The following GMPS variants were observed in gnomAD, a reference collection of about 807,000 sequenced individuals.
The protein encoded by GMPS is guanosine monophosphate synthase, also known as GMP synthase [glutamine-hydrolyzing].
Under a neutral mutation model 77.9 loss-of-function variants are expected in GMPS, and 15 were observed. The ratio of observed to expected loss-of-function variants is 0.19; its 90% CI spans 0.13 to 0.30. The LOEUF (loss-of-function observed/expected upper bound fraction) is 0.30. Among genes scored for constraint, GMPS ranks in the 10% least tolerant of loss-of-function variants. The pLI is 1.00. For synonymous variants in GMPS, 224 were observed against 275.9 expected, an observed-to-expected ratio of 0.81 and a Z score of 1.86; for missense variants, 590 against 838.8, an observed-to-expected ratio of 0.70 and a Z score of 3.66.
At position 155,870,820 on chromosome 3, in the gene GMPS, G is replaced by T. The variant is rs1167494545; in HGVS notation, c.-51G>T. 1.1e-5 allele frequency: 14 copies of T among 1,283,480 alleles called. No homozygotes were observed. The East Asian group carries it at 2.0e-4, about 19-fold the overall frequency. 79.5% of individuals were successfully genotyped at this position (1,283,480 alleles called of 1,614,324 possible). A position where few individuals can be genotyped will look rare whatever the true frequency, so the allele number is the denominator to read the frequency against. On this transcript the variant is annotated 5_prime_UTR_variant, in exon 1 of 16. Coordinates refer to ENST00000496455, the MANE Select transcript of GMPS (RefSeq NM_003875.3). The stretch of plus-strand genomic sequence containing the variant: ...GCGCCGACCCTTCCGGCACCCTCCC[G>T]CCCCGTCTCGTACTGTCGCCGTCAC...
chr3:155,894,527 G>T (rs1754554875), intron 2 of GMPS, among the ~76,000 whole-genome samples: 1 of 151,982 alleles, frequency 6.6e-6, no homozygotes. Context: ...CCCGGCCAGT[G>T]TCATGCTTTT....
Position 155,936,362 on chromosome 3 carries a change from T to C in GMPS, c.1832T>C (p.Met611Thr). 1 of 1,610,396 alleles carries C rather than the reference T, an allele frequency of 6.2e-7. No homozygotes were observed. Among genetic ancestry groups the C allele is most frequent in the Non-Finnish European group, 8.5e-7 (1 of 1,178,122 alleles). ...GGGTATGCTGGGAAAATCAGCCAGA[T>C]GCCGGTGATTTTGACACCATTACAT... ...ESGYAGKISQ[M>T]PVILTPLHFD... Residue 611 changes from methionine (M) to threonine (T), a missense_variant, in exon 15 of 16, where the codon ATG becomes ACG. Met to Thr is a moderately conservative substitution (Grantham distance 81). Transcript: ENST00000496455.
At chr3:155,910,977 TAC>T (rs1490587387) in intron 6 of GMPS, 92 bp downstream of exon 6, 1 of 1,096,874 alleles carries the variant, frequency 9.1e-7, no homozygotes, top group African/African-American at 1.6e-5. Context: ...TTAAATGTTC[TAC>T]AGTTTTAGAG....
At chr3:155,888,520 C>T (rs1459274496) in intron 1 of GMPS, among the ~76,000 whole-genome samples, 1 of 151,860 alleles carries the variant, frequency 6.6e-6, no homozygotes, top group Non-Finnish European at 1.5e-5. Flanking sequence ...GCCTCAACCT[C>T]CTGGGCTCCT....
chr3:155,883,111 G>A (rs9832621), intron 1 of GMPS, among the ~76,000 whole-genome samples: 2,804 of 151,920 alleles, frequency 0.018, 88 homozygotes, highest in African/African-American at 0.064. Context: ...TCACTCTGTC[G>A]CCCAGGCTGG....
At chr3:155,928,202 A>G (rs1046146792) in intron 12 of GMPS, among the ~76,000 whole-genome samples, 1 of 151,126 alleles carries the variant, frequency 6.6e-6, no homozygotes, top group African/African-American at 2.4e-5. Context: ...AATTTTTTGT[A>G]TTTTAGTAGA....
chr3:155,943,988 G>C lies in GMPS; in HGVS notation c.*6296G>C, dbSNP rs1755953109. The C allele has an allele frequency of 6.6e-6, 1 of 152,130 alleles. No individual in the cohort carries two copies. Among genetic ancestry groups the C allele is most frequent in the African/African-American group, 2.4e-5 (1 of 41,436 alleles). The allele number at this position is 152,130 out of a possible 1,614,324, so 9.4% of individuals were successfully genotyped here. A position where few individuals can be genotyped will look rare whatever the true frequency, so the allele number is the denominator to read the frequency against. On this transcript the variant is annotated 3_prime_UTR_variant, in exon 16 of 16. Transcript: ENST00000496455. ...GAGCTAAAGGTGTGCGTATACACAT[G>C]CACTTATAAAATTAAAGTCATATAT...
chr3:155,895,068 A>G (rs927968447), intron 2 of GMPS, among the ~76,000 whole-genome samples: 6 of 152,206 alleles, frequency 3.9e-5, no homozygotes, highest in Non-Finnish European at 8.8e-5. Context: ...AACAGATACT[A>G]GAATAGGATA....
intron 9 of GMPS, among the ~76,000 whole-genome samples, chr3:155,917,662 C>T (rs1403054193): frequency 2.0e-5 from 3 of 151,968 alleles, no homozygotes; most frequent in African/African-American, 2.4e-5. Context: ...CACCTGGGGT[C>T]GGGAGTTTGA....
In GMPS at chr3:155,941,103, A is replaced by T. The variant is rs533055493; in HGVS notation, c.*3411A>T. ...AAATGCTCTAGGGCCCTTCAGGGCA[A>T]ATCTTAAAAGGAAGTTCTTGGCCGG... On this transcript the variant is annotated 3_prime_UTR_variant, in exon 16 of 16. Coordinates refer to ENST00000496455, the MANE Select transcript of GMPS (RefSeq NM_003875.3). 1.7e-4 allele frequency: 31 copies of T among 185,454 alleles called. No individual in the cohort carries two copies. In the Middle Eastern group the frequency reaches 5.9e-3, roughly 35 times the overall value. The allele number at this position is 185,454 out of a possible 1,614,324, so 11.5% of individuals were successfully genotyped here.
chr3:155,904,964 AT>A (rs2108092268), intron 4 of GMPS, among the ~76,000 whole-genome samples: 1 of 152,140 alleles, frequency 6.6e-6, no homozygotes, highest in South Asian at 2.1e-4. Context: ...TTCTTGCTTT[AT>A]TTTTAATTTA....
At chr3:155,912,106 G>A (rs1191857330) in intron 7 of GMPS, among the ~76,000 whole-genome samples, 2 of 152,126 alleles carry the variant, frequency 1.3e-5, no homozygotes, top group Admixed American at 1.3e-4. Context: ...GAGGTCAGTA[G>A]TTTAATGATA....
At chr3:155,913,093 C>T (rs1755081929) in intron 7 of GMPS, among the ~76,000 whole-genome samples, 1 of 152,154 alleles carries the variant, frequency 6.6e-6, no homozygotes, top group Admixed American at 6.5e-5. Flanking sequence ...GTAAAATTCT[C>T]TATGCTGAAT....
At position 155,941,937 on chromosome 3, in the gene GMPS, G is replaced by T. The variant is rs76160164; in HGVS notation, c.*4245G>T. ...AACCCTATTTTTATGTACTGAAGAG[G>T]CCTCAGTGTCTCACTGAACTCTAAC... On this transcript the variant is annotated 3_prime_UTR_variant, in exon 16 of 16. Transcript: ENST00000496455. 0.058 allele frequency: 12,094 copies of T among 209,954 alleles called. 503 individuals are homozygous for T. Among genetic ancestry groups the T allele is most frequent in the South Asian group, 0.17 (910 of 5,326 alleles). 13.0% of individuals were successfully genotyped at this position (209,954 alleles called of 1,614,324 possible). A position where few individuals can be genotyped will look rare whatever the true frequency, so the allele number is the denominator to read the frequency against.
chr3:155,880,788 T>C (rs1754191462), intron 1 of GMPS, among the ~76,000 whole-genome samples: 1 of 152,226 alleles, frequency 6.6e-6, no homozygotes, highest in African/African-American at 2.4e-5. Context: ...TTATCTTGCC[T>C]AAGGTGGTAC....
At chr3:155,901,447 A>G (rs1345001483) in intron 3 of GMPS, among the ~76,000 whole-genome samples, 1 of 152,128 alleles carries the variant, frequency 6.6e-6, no homozygotes, top group Non-Finnish European at 1.5e-5. Context: ...TATAGACAAT[A>G]TTGCCATGAA....
intron 15 of GMPS, 49 bp from the exon 16 acceptor site, chr3:155,937,542 G>T (rs374568651): frequency 2.9e-4 from 237 of 814,066 alleles, no homozygotes; most frequent in Non-Finnish European, 4.6e-4. Context: ...CTCTAGGACT[G>T]CTGGACATGC....
intron 1 of GMPS, among the ~76,000 whole-genome samples, chr3:155,877,526 G>A (rs1189288714): frequency 6.6e-6 from 1 of 151,904 alleles, no homozygotes; most frequent in Admixed American, 6.6e-5. Flanking sequence ...CTACCCTTCA[G>A]CAAGGGTCCC....
intron 1 of GMPS, among the ~76,000 whole-genome samples, chr3:155,884,717 T>C (rs1754295170): frequency 6.6e-6 from 1 of 152,210 alleles, no homozygotes; most frequent in African/African-American, 2.4e-5. Flanking sequence ...GCAGATTACA[T>C]ACAGTAGAAC....
Sources: allele counts gnomAD v4.1 joint callset (sites outside exome capture counted in the v4.1 genomes callset), GRCh38; gene constraint gnomAD v4.1.1; transcripts MANE v1.5; gene names NCBI Gene and HGNC (gene_info 2026-07-23, HGNC 2026-07-21).